The following RSRC1 variants were observed in gnomAD, a reference collection of about 807,000 sequenced individuals.
The protein encoded by RSRC1 is serine/Arginine-related protein 53.
Under a neutral mutation model 49.1 loss-of-function variants are expected in RSRC1, and 39 were observed. The observed-to-expected ratio is 0.79, with a 90% confidence interval of 0.61 to 1.04. The LOEUF (loss-of-function observed/expected upper bound fraction) is 1.04, where lower values mean the gene tolerates loss of function less well. Ranked by LOEUF, RSRC1 falls within the 50% of genes least tolerant of loss-of-function variation. RSRC1 has a pLI of 0.00. For missense variants in RSRC1, 388 were observed against 402.4 expected (o/e 0.96, Z 0.31); for synonymous variants, 143 against 130.8 (o/e 1.09, Z -0.63).
At chr3:158,177,621 C>T (rs1719308203) in intron 3 of RSRC1, among the ~76,000 whole-genome samples, 1 of 151,592 alleles carries the variant, frequency 6.6e-6, no homozygotes, top group African/African-American at 2.4e-5. Flanking sequence ...GGCGGGGGAA[C>T]ATCACACACC....
At chr3:158,245,588 C>T (rs1559959884) in intron 4 of RSRC1, among the ~76,000 whole-genome samples, 1 of 152,108 alleles carries the variant, frequency 6.6e-6, no homozygotes, top group Admixed American at 6.6e-5. Flanking sequence ...AATTTTCTGT[C>T]TCTGTGATCT....
At chr3:158,479,177 A>G (rs907132472) in intron 7 of RSRC1, among the ~76,000 whole-genome samples, 2 of 150,606 alleles carry the variant, frequency 1.3e-5, no homozygotes, top group Admixed American at 6.6e-5. Flanking sequence ...GAGGATTCTG[A>G]TATCTTGAGT....
intron 7 of RSRC1, among the ~76,000 whole-genome samples, chr3:158,501,531 T>C (rs750080111): frequency 6.6e-6 from 1 of 152,200 alleles, no homozygotes; most frequent in Non-Finnish European, 1.5e-5. Context: ...TTTATAAATT[T>C]GGGAGCTCCA....
chr3:158,136,309 A>G (rs1716373711), intron 3 of RSRC1, among the ~76,000 whole-genome samples: 1 of 152,202 alleles, frequency 6.6e-6, no homozygotes, highest in Non-Finnish European at 1.5e-5. Flanking sequence ...TTAAAAAACT[A>G]ATTAGATGTA....
At chr3:158,123,474 T>G (rs577068255) in intron 2 of RSRC1, among the ~76,000 whole-genome samples, 1 of 152,228 alleles carries the variant, frequency 6.6e-6, no homozygotes, top group South Asian at 2.1e-4. Context: ...TTATTTTTAT[T>G]TTTTGTGGAG....
chr3:158,414,977 G>A (rs188896188), intron 6 of RSRC1, among the ~76,000 whole-genome samples: 30 of 152,238 alleles, frequency 2.0e-4, no homozygotes, highest in African/African-American at 6.5e-4. Flanking sequence ...GAAATTAAAT[G>A]AGAATTTGTT....
intron 7 of RSRC1, among the ~76,000 whole-genome samples, chr3:158,498,416 T>C (rs965043635): frequency 2.0e-5 from 3 of 152,134 alleles, no homozygotes; most frequent in Non-Finnish European, 4.4e-5. Flanking sequence ...GGCATTGTTT[T>C]GTTTTGTTTT....
intron 6 of RSRC1, among the ~76,000 whole-genome samples, chr3:158,428,365 A>G (rs1278331295): frequency 6.6e-6 from 1 of 151,884 alleles, no homozygotes; most frequent in Non-Finnish European, 1.5e-5. Flanking sequence ...GGATGAGGGC[A>G]CTACTCTTAG....
chr3:158,231,701 A>G (rs1018814160), intron 4 of RSRC1, among the ~76,000 whole-genome samples: 1 of 152,084 alleles, frequency 6.6e-6, no homozygotes, highest in Non-Finnish European at 1.5e-5. Flanking sequence ...GCAGTAATAT[A>G]TTATTTCTTT....
chr3:158,354,950 G>T, intron 6 of RSRC1, 42 bp downstream of exon 6: 2 of 1,354,416 alleles, frequency 1.5e-6, no homozygotes, highest in African/African-American at 1.5e-5. Flanking sequence ...AAGAAGTGAC[G>T]AGTAAACCCT....
At chr3:158,111,457 G>A (rs1714401437) in intron 1 of RSRC1, among the ~76,000 whole-genome samples, 1 of 152,208 alleles carries the variant, frequency 6.6e-6, no homozygotes, top group African/African-American at 2.4e-5. Flanking sequence ...TAGATCTATA[G>A]TTGTATTTCC....
chr3:158,110,133 A>G lies in RSRC1; in HGVS notation c.-93A>G, dbSNP rs1038312743. 6.6e-6 allele frequency: 1 copy of G among 151,872 alleles called. No homozygotes were observed. The highest frequency in any genetic ancestry group is 2.4e-5 in the African/African-American group (1 of 41,344). The allele number at this position is 151,872 out of a possible 1,614,324, so 9.4% of individuals were successfully genotyped here. A position where few individuals can be genotyped will look rare whatever the true frequency, so the allele number is the denominator to read the frequency against. ...GCTTAAACTGAAGCAAGTTCGGTGG[A>G]CGCCGGCGGCGCCCTGATCTAAAGA... On this transcript the variant is annotated 5_prime_UTR_variant, in exon 1 of 10. Coordinates refer to ENST00000611884, the MANE Select transcript of RSRC1 (RefSeq NM_001271838.2).
At chr3:158,268,441 C>T (rs1020697027) in intron 4 of RSRC1, among the ~76,000 whole-genome samples, 11 of 152,068 alleles carry the variant, frequency 7.2e-5, no homozygotes, top group African/African-American at 2.4e-4. Context: ...CCTGCATTTC[C>T]GTTTTACATT....
At chr3:158,453,745 T>C (rs955220222) in intron 6 of RSRC1, among the ~76,000 whole-genome samples, 2 of 152,148 alleles carry the variant, frequency 1.3e-5, no homozygotes, top group Admixed American at 6.5e-5. Flanking sequence ...AGAAAATTAC[T>C]GATTTCCTCT....
intron 4 of RSRC1, among the ~76,000 whole-genome samples, chr3:158,288,328 T>C (rs576982109): frequency 1.3e-5 from 2 of 152,294 alleles, no homozygotes; most frequent in South Asian, 4.1e-4. Flanking sequence ...TCATTTTTCC[T>C]TTTTATGAAC....
chr3:158,401,071 A>G (rs927422327), intron 6 of RSRC1, among the ~76,000 whole-genome samples: 1 of 152,096 alleles, frequency 6.6e-6, no homozygotes, highest in African/African-American at 2.4e-5. Context: ...AACATGCTAT[A>G]CAGCTTTGTA....
chr3:158,272,254 A>AAT (rs1725561955), intron 4 of RSRC1, among the ~76,000 whole-genome samples: 1 of 152,148 alleles, frequency 6.6e-6, no homozygotes, highest in Non-Finnish European at 1.5e-5. Context: ...GAACGGCCTT[A>AAT]TTGAATGGAA....
At chr3:158,182,413 C>A (rs1002057578) in intron 3 of RSRC1, among the ~76,000 whole-genome samples, 3 of 152,112 alleles carry the variant, frequency 2.0e-5, no homozygotes, top group Non-Finnish European at 4.4e-5. Context: ...GAGTGGGCCC[C>A]AGATTATAAA....
intron 3 of RSRC1, among the ~76,000 whole-genome samples, chr3:158,178,063 G>C (rs1232954000): frequency 6.6e-6 from 1 of 151,954 alleles, no homozygotes. Flanking sequence ...GTAGACTGTT[G>C]TCTTTTAATA....
Sources: allele counts gnomAD v4.1 joint callset (sites outside exome capture counted in the v4.1 genomes callset), GRCh38; gene constraint gnomAD v4.1.1; transcripts MANE v1.5; gene names NCBI Gene and HGNC (gene_info 2026-07-23, HGNC 2026-07-21).